RBFOX2: variants seen among roughly 807,000 people sequenced by gnomAD.
RBFOX2 encodes the protein RNA binding protein fox-1 homolog 2.
A neutral mutation model predicts 49.1 loss-of-function variants in RBFOX2; 10 were observed. That is an observed-to-expected ratio of 0.20 (90% CI 0.13 to 0.35). RBFOX2 has a LOEUF of 0.35. RBFOX2 is among the 10% of genes least tolerant of loss of function. The probability of loss-of-function intolerance (pLI) is 1.00; values close to 1 mark genes in which losing one functional copy is unlikely to be tolerated. For missense variants in RBFOX2, 323 were observed against 486.9 expected (o/e 0.66, Z 3.17); for synonymous variants, 183 against 187.4 (o/e 0.98, Z 0.19).
chr22:35,985,451 G>A (rs1045535344), intron 1 of RBFOX2, among the ~76,000 whole-genome samples: 9 of 152,134 alleles, frequency 5.9e-5, no homozygotes, highest in Non-Finnish European at 8.8e-5. Flanking sequence ...TTCCAAAAGA[G>A]AACAGCCACT....
intron 1 of RBFOX2, chr22:35,994,606 A>C (rs1028283986): frequency 3.3e-5 from 5 of 151,966 alleles, no homozygotes; most frequent in Admixed American, 6.6e-5. Flanking sequence ...GGGTCTCTCT[A>C]TGTTGCCCAA....
At position 35,879,163 on chromosome 22, in the gene RBFOX2, T is replaced by C. The variant is rs189350632; in HGVS notation, c.-34+59684A>G. ...AGGCCAGGAGGAAGACATGAGTATA[T>C]CTGGAGAGAAGCATTACAGGCAGAA... On this transcript the variant is annotated intron_variant, in intron 1 of 13. Coordinates refer to the RBFOX2 transcript ENST00000359369. Among the ~76,000 whole-genome samples the C allele has an allele frequency of 6.0e-4, 91 of 152,316 alleles. No homozygotes were observed. In the South Asian group the frequency reaches 6.8e-3, roughly 11 times the overall value.
At chr22:35,880,229 A>G (rs2045707145) in intron 1 of RBFOX2, among the ~76,000 whole-genome samples, 2 of 152,148 alleles carry the variant, frequency 1.3e-5, no homozygotes, top group Non-Finnish European at 2.9e-5. Flanking sequence ...AGGATTTGCT[A>G]ATTAACAGGA....
chr22:35,983,767 G>A (rs981196189), intron 1 of RBFOX2, among the ~76,000 whole-genome samples: 4 of 152,074 alleles, frequency 2.6e-5, no homozygotes, highest in Non-Finnish European at 5.9e-5. Flanking sequence ...CTAATTAGTG[G>A]GAATCTAGAA....
upstream of RBFOX2, among the ~76,000 whole-genome samples, chr22:35,963,437 ATAAT>A (rs1340504976): frequency 1.3e-5 from 2 of 152,250 alleles, no homozygotes; most frequent in Non-Finnish European, 2.9e-5. Context: ...ATAAGCACTA[ATAAT>A]TAATTAGTAT....
At chr22:35,933,930 A>T (rs993902086) in intron 1 of RBFOX2, among the ~76,000 whole-genome samples, 1 of 116,584 alleles carries the variant, frequency 8.6e-6, no homozygotes, top group Non-Finnish European at 1.8e-5. Context: ...TAAATGTTAT[A>T]TATATATATA....
At position 35,861,343 on chromosome 22, in the gene RBFOX2, T is replaced by G. The variant is rs188508029; in HGVS notation, c.-33-51339A>C. Among the ~76,000 whole-genome samples, 445 of 152,144 alleles carry G rather than the reference T, an allele frequency of 2.9e-3. 3 individuals carry two copies. Among genetic ancestry groups the G allele is most frequent in the Middle Eastern group, 0.01 (3 of 294 alleles). On this transcript the variant is annotated intron_variant, in intron 1 of 13. Transcript: ENST00000359369. ...AACTTCTGCTTATCAAAAGACACTGTGAGGAGAATAAAAAGACAAGCCACA... is the reference window on the plus strand; with the variant it reads ...AACTTCTGCTTATCAAAAGACACTGGGAGGAGAATAAAAAGACAAGCCACA...
chr22:35,857,142 G>T (rs1430916214), intron 1 of RBFOX2, among the ~76,000 whole-genome samples: 6 of 152,196 alleles, frequency 3.9e-5, no homozygotes, highest in African/African-American at 1.4e-4. Context: ...AAGTAGGTAG[G>T]TTCACTATGG....
rs115910801 is a variant in RBFOX2 at position 35,886,988 on chromosome 22, T to G, written c.-34+51859A>C. On this transcript the variant is annotated intron_variant, in intron 1 of 13. Coordinates refer to the RBFOX2 transcript ENST00000359369. ...ACCCTCCCTCTCCGTCTTGTCAATA[T>G]GTGTGCTTTGACCACGCTGATTTTC... Among the ~76,000 whole-genome samples the G allele has an allele frequency of 2.6e-3, 396 of 152,300 alleles. 4 individuals are homozygous for G. The highest frequency in any genetic ancestry group is 9.3e-3 in the African/African-American group (387 of 41,564).
At chr22:35,828,230 T>C (rs1956152475) in intron 1 of RBFOX2, among the ~76,000 whole-genome samples, 1 of 149,616 alleles carries the variant, frequency 6.7e-6, no homozygotes. Context: ...ACAAAATACA[T>C]GAAACAACAG....
chr22:35,774,348 T>A, intron 4 of RBFOX2, among the ~76,000 whole-genome samples: 1 of 152,126 alleles, frequency 6.6e-6, no homozygotes, highest in East Asian at 1.9e-4. Context: ...CTACATAAAC[T>A]CATATAATAA....
intron 1 of RBFOX2, chr22:35,897,153 G>T: frequency 5.6e-6 from 3 of 537,614 alleles, no homozygotes; most frequent in East Asian, 3.0e-5. Flanking sequence ...TTTTAATGGT[G>T]GGATCTTATT....
intron 1 of RBFOX2, among the ~76,000 whole-genome samples, chr22:35,971,912 T>TAAAAA (rs527896726): frequency 8.8e-5 from 5 of 56,602 alleles, no homozygotes; most frequent in Admixed American, 2.4e-4. Flanking sequence ...TTTTTCTCCC[T>TAAAAA]AAAAAAAAAA....
intron 1 of RBFOX2, among the ~76,000 whole-genome samples, chr22:35,936,237 CAAAAAA>C (rs58153258): frequency 3.1e-5 from 2 of 64,536 alleles, no homozygotes; most frequent in Admixed American, 1.7e-4. Context: ...CCAACAACAA[CAAAAAA>C]AAAAAAAAAA....
upstream of RBFOX2, among the ~76,000 whole-genome samples, chr22:35,963,059 C>CAAAAAAAAA (rs34027896): frequency 6.0e-5 from 2 of 33,598 alleles, no homozygotes; most frequent in Non-Finnish European, 1.2e-4. Flanking sequence ...AACTCTCCAG[C>CAAAAAAAAA]AAAAAAAAAA....
At chr22:35,933,926 T>TTA (rs3075245) in intron 1 of RBFOX2, among the ~76,000 whole-genome samples, 18,719 of 117,718 alleles carry the variant, frequency 0.16, 1,415 homozygotes, top group Middle Eastern at 0.24. Flanking sequence ...TAATTAAATG[T>TTA]TATATATATA....
At chr22:35,830,303 G>A (rs762418254) in intron 1 of RBFOX2, among the ~76,000 whole-genome samples, 1 of 152,274 alleles carries the variant, frequency 6.6e-6, no homozygotes, top group Non-Finnish European at 1.5e-5. Flanking sequence ...AACGAACAAT[G>A]CATACAGAAT....
intron 1 of RBFOX2, among the ~76,000 whole-genome samples, chr22:35,958,219 G>C (rs1333633249): frequency 6.6e-6 from 1 of 152,054 alleles, no homozygotes; most frequent in African/African-American, 2.4e-5. Flanking sequence ...TGTTAAACCA[G>C]CTCTGGTGTT....
intron 1 of RBFOX2, among the ~76,000 whole-genome samples, chr22:35,933,132 C>T (rs972644846): frequency 6.6e-6 from 1 of 152,136 alleles, no homozygotes; most frequent in African/African-American, 2.4e-5. Context: ...GACATGGAGG[C>T]TGAAAATCGG....
Sources: allele counts gnomAD v4.1 joint callset (sites outside exome capture counted in the v4.1 genomes callset), GRCh38; gene constraint gnomAD v4.1.1; transcripts MANE v1.5; gene names NCBI Gene and HGNC (gene_info 2026-07-23, HGNC 2026-07-21).